Variants in TREM1 observed in about 807,000 individuals in gnomAD.
The protein encoded by TREM1 is triggering receptor expressed on myeloid cells 1.
A neutral mutation model predicts 22.4 loss-of-function variants in TREM1; 16 were observed. The ratio of observed to expected loss-of-function variants is 0.71; its 90% CI spans 0.48 to 1.08. The LOEUF (loss-of-function observed/expected upper bound fraction) is 1.08. Ranked by LOEUF, TREM1 falls within the 50% of genes least tolerant of loss-of-function variation. TREM1 has a pLI of 0.00. For missense variants in TREM1, 283 were observed against 282.9 expected (o/e 1.00, Z 0.00); for synonymous variants, 110 against 111.6 (o/e 0.99, Z 0.09).
At chr6:41,284,758 G>C (rs754100779) in intron 1 of TREM1, among the ~76,000 whole-genome samples, 1 of 152,194 alleles carries the variant, frequency 6.6e-6, no homozygotes, top group Non-Finnish European at 1.5e-5. Flanking sequence ...TAGGCCAACA[G>C]ATCTGCCTGA....
At position 41,275,957 on chromosome 6, in the gene TREM1, C is replaced by A; in HGVS notation, c.*168G>T. On this transcript the variant is annotated 3_prime_UTR_variant, in exon 4 of 4. Transcript: ENST00000244709. ...TGCCCACCCAAGATTATTAGAGGAA[C>A]GAGGGCAGTGGGCAGGAAGGTGAGA... The A allele has an allele frequency of 1.7e-6, 1 of 603,838 alleles. No individual in the cohort carries two copies. Among genetic ancestry groups the A allele is most frequent in the South Asian group, 2.0e-5 (1 of 50,322 alleles). 37.4% of individuals were successfully genotyped at this position (603,838 alleles called of 1,614,324 possible). A position where few individuals can be genotyped will look rare whatever the true frequency, so the allele number is the denominator to read the frequency against.
chr6:41,278,775 G>C (rs559962931), intron 3 of TREM1, among the ~76,000 whole-genome samples: 2 of 152,290 alleles, frequency 1.3e-5, no homozygotes, highest in East Asian at 3.9e-4. Flanking sequence ...GATAGATAAA[G>C]TTAACAGATA....
At chr6:41,285,384 C>T (rs1768120958) in intron 1 of TREM1, among the ~76,000 whole-genome samples, 1 of 152,154 alleles carries the variant, frequency 6.6e-6, no homozygotes, top group African/African-American at 2.4e-5. Flanking sequence ...ATTATTCTCC[C>T]CATTTTATAG....
chr6:41,282,828 C>A, intron 1 of TREM1, 77 bp from the exon 2 acceptor site: 1 of 1,337,372 alleles, frequency 7.5e-7, no homozygotes, highest in South Asian at 1.4e-5. Context: ...GAGAGGAGCC[C>A]CCTGTTTTTC....
chr6:41,279,596 C>T, intron 3 of TREM1: 3 of 985,230 alleles, frequency 3.0e-6, no homozygotes, highest in Non-Finnish European at 3.6e-6. Context: ...CCCCAAACAA[C>T]ATAATGGGGA....
intron 3 of TREM1, 141 bp from the exon 4 acceptor site, chr6:41,276,371 C>T (rs1767672094): frequency 1.5e-6 from 1 of 662,684 alleles, no homozygotes; most frequent in Admixed American, 2.4e-5. Context: ...TGACCCTGTG[C>T]TTTTCAGTCT....
intron 1 of TREM1, among the ~76,000 whole-genome samples, chr6:41,286,228 T>A (rs1768162614): frequency 6.6e-6 from 1 of 152,236 alleles, no homozygotes. Flanking sequence ...GTTAAATCAA[T>A]TCTGTCTTTT....
At chr6:41,283,689 G>A (rs981083502) in intron 1 of TREM1, among the ~76,000 whole-genome samples, 5 of 149,584 alleles carry the variant, frequency 3.3e-5, no homozygotes, top group Non-Finnish European at 7.4e-5. Flanking sequence ...TCCAGCCTGG[G>A]CCACAGGGCA....
At chr6:41,276,863 A>G (rs1185701182) in intron 3 of TREM1, among the ~76,000 whole-genome samples, 1 of 152,064 alleles carries the variant, frequency 6.6e-6, no homozygotes, top group Non-Finnish European at 1.5e-5. Context: ...CTATGCAGGA[A>G]CATAATGTCT....
At chr6:41,280,117 C>T (rs1317037736) in intron 3 of TREM1, 5 of 930,776 alleles carry the variant, frequency 5.4e-6, no homozygotes, top group Admixed American at 6.2e-5. Flanking sequence ...GACTTACTGC[C>T]ATATTAAAAT....
At chr6:41,283,709 TAAA>T (rs545773140) in intron 1 of TREM1, among the ~76,000 whole-genome samples, 3 of 148,828 alleles carry the variant, frequency 2.0e-5, no homozygotes, top group African/African-American at 5.0e-5. Flanking sequence ...AAGACTCTGT[TAAA>T]AAAAAAAACA....
chr6:41,285,809 A>C (rs1017161956), intron 1 of TREM1, among the ~76,000 whole-genome samples: 1 of 152,250 alleles, frequency 6.6e-6, no homozygotes, highest in Non-Finnish European at 1.5e-5. Flanking sequence ...GCAATGTCTG[A>C]GCACAGGCTC....
chr6:41,271,874 T>C (rs1441323022), downstream of TREM1, among the ~76,000 whole-genome samples: 1 of 152,138 alleles, frequency 6.6e-6, no homozygotes, highest in Non-Finnish European at 1.5e-5. Flanking sequence ...GCTGTCTACA[T>C]CCCTCTCCCT....
rs1442206769 is a variant in TREM1, at chr6:41,276,122, G to A, written c.*3C>T. On this transcript the variant is annotated 3_prime_UTR_variant, in exon 4 of 4. Transcript: ENST00000244709. ...CAGAGGACATTCTCGTGGGTTCGTG[G>A]GCCTAGGGTACAAATGACCTCAGCG... 1.9e-6 allele frequency: 3 copies of A among 1,612,820 alleles called. No homozygotes were observed. The highest frequency in any genetic ancestry group is 2.5e-6 in the Non-Finnish European group (3 of 1,178,986).
Position 41,280,940 on chromosome 6 carries a change from C to T in TREM1, c.599+21G>A, listed in dbSNP as rs201053225. On this transcript the variant is annotated intron_variant, in intron 3 of 3. Coordinates refer to ENST00000244709, the MANE Select transcript of TREM1 (RefSeq NM_018643.5). ...AGGGCTCAGTGTCCAAACCAGGGGCCCAGGGACCTGGAAACTATACCTGAT... is the reference window on the plus strand; with the variant it reads ...AGGGCTCAGTGTCCAAACCAGGGGCTCAGGGACCTGGAAACTATACCTGAT... 1.7e-4 allele frequency: 268 copies of T among 1,614,158 alleles called. 2 individuals are homozygous for T. In the African/African-American group the frequency reaches 3.1e-3, roughly 18 times the overall value.
chr6:41,276,413 A>C (rs1293769032), intron 3 of TREM1, among the ~76,000 whole-genome samples, 183 bp from the exon 4 acceptor site: 2 of 152,110 alleles, frequency 1.3e-5, no homozygotes, highest in Non-Finnish European at 2.9e-5. Context: ...GATTAGAAAC[A>C]ATTCAGTGGA....
intron 3 of TREM1, chr6:41,268,150 C>T (rs545748865): frequency 2.5e-6 from 1 of 398,292 alleles, no homozygotes. Flanking sequence ...TAGGCAAGGA[C>T]GTTTCACTTG....
intron 3 of TREM1, chr6:41,280,542 T>G (rs1386240485): frequency 2.7e-6 from 3 of 1,101,002 alleles, no homozygotes; most frequent in Non-Finnish European, 3.3e-6. Flanking sequence ...TACTGAATTG[T>G]CAAAGAAGCT....
Position 41,281,007 on chromosome 6 carries a change from T to A in TREM1, c.553A>T (p.Thr185Ser), listed in dbSNP as rs1767889008. Residue 185 changes from threonine (T) to serine (S), a missense_variant, in exon 3 of 4, where the codon ACT becomes TCT. By Grantham distance (58) the Thr-to-Ser change is moderately conservative (BLOSUM62 1). Transcript: ENST00000244709. ...APPKSTADVS[T>S]PDSEINLTNV... ...GTAAGGTTGATTTCAGAGTCAGGAG[T>A]GGAGACATCGGCAGTTGACTTGGGT... 1 of 1,613,898 alleles carries A rather than the reference T, an allele frequency of 6.2e-7. No homozygotes were observed. The highest frequency in any genetic ancestry group is 8.5e-7 in the Non-Finnish European group (1 of 1,180,010).
Sources: allele counts gnomAD v4.1 joint callset (sites outside exome capture counted in the v4.1 genomes callset), GRCh38; gene constraint gnomAD v4.1.1; transcripts MANE v1.5; gene names NCBI Gene and HGNC (gene_info 2026-07-23, HGNC 2026-07-21).